The following SNAI3 variants were observed in gnomAD, a reference collection of about 807,000 sequenced individuals.
SNAI3 encodes the protein snail family transcriptional repressor 3, also known as zinc finger protein SNAI3.
SNAI3 carries 21 observed loss-of-function variants against 16.4 expected under a neutral mutation model. The ratio of observed to expected loss-of-function variants is 1.28; its 90% CI spans 0.91 to 1.85. The LOEUF (loss-of-function observed/expected upper bound fraction) is 1.85. Among genes scored for constraint, SNAI3 ranks in the 40% most tolerant of loss-of-function variants. The pLI is 0.00. For synonymous variants in SNAI3, 202 were observed against 166.6 expected (o/e 1.21, Z -1.64); for missense variants, 457 against 372.8 (o/e 1.23, Z -1.86).
At chr16:88,683,370 C>T (rs1189872498) in intron 1 of SNAI3, among the ~76,000 whole-genome samples, 2 of 151,946 alleles carry the variant, frequency 1.3e-5, no homozygotes, top group Non-Finnish European at 2.9e-5. Flanking sequence ...ATTCTCCTGC[C>T]TCAGCCTCCC....
At chr16:88,682,264 C>T (rs1179224599) in intron 1 of SNAI3, among the ~76,000 whole-genome samples, 1 of 152,260 alleles carries the variant, frequency 6.6e-6, no homozygotes, top group African/African-American at 2.4e-5. Flanking sequence ...GATAACGAGG[C>T]AGTGAGCTCA....
Position 88,681,286 on chromosome 16 carries a change from TG to T in SNAI3, c.504del (p.Arg169GlyfsTer264). On this transcript the variant is annotated frameshift_variant, in exon 2 of 3. Coordinates refer to ENST00000332281, the MANE Select transcript of SNAI3 (RefSeq NM_178310.4). LOFTEE classifies it high-confidence loss of function. The surrounding 1 kb of genome is among the most constrained non-coding windows in gnomAD (Gnocchi z 5.4). ...HKPYHTLAGL[A>X]RHRQLHCHLQ... ...AGGTGGCAGTGCAGCTGCCGGTGCC[TG>T]GCCAGCCCGGCCAGCGTGTGGTAGG... 1 of 1,613,282 alleles carries T rather than the reference TG, an allele frequency of 6.2e-7. No individual in the cohort carries two copies. The highest frequency in any genetic ancestry group is 1.1e-5 in the South Asian group (1 of 91,074).
intron 1 of SNAI3, among the ~76,000 whole-genome samples, chr16:88,683,840 G>A (rs1909264838): frequency 6.6e-6 from 1 of 152,224 alleles, no homozygotes; most frequent in African/African-American, 2.4e-5. Context: ...ACAAGTGTGA[G>A]CCACTGCGCC....
At chr16:88,679,732 G>C (rs1247189988) in intron 2 of SNAI3, among the ~76,000 whole-genome samples, 3 of 124,910 alleles carry the variant, frequency 2.4e-5, no homozygotes, top group African/African-American at 9.5e-5. Flanking sequence ...ACTATGGTCC[G>C]GCCTGGGCAA....
Position 88,681,599 on chromosome 16 carries a change from G to T in SNAI3, c.192C>A (p.Ala64=). ...GGAGGGGCAGGGAGATGCAGGCGAC[G>T]GCCGAGGAGCGGTCCCAGGGCTGGG... The part of the protein sequence containing the change: ...DLPQPWDRSS[A]VACISLPLLP... Residue 64 remains alanine (A), a synonymous_variant, in exon 2 of 3, where the codon GCC becomes GCA. Coordinates refer to ENST00000332281, the MANE Select transcript of SNAI3 (RefSeq NM_178310.4). This position sits in a 1 kb window ranked among gnomAD's most constrained non-coding sequence, Gnocchi z 5.4. 6.7e-7 allele frequency: 1 copy of T among 1,501,788 alleles called. No individual in the cohort carries two copies. The highest frequency in any genetic ancestry group is 8.9e-7 in the Non-Finnish European group (1 of 1,123,768). 93.0% of individuals were successfully genotyped at this position (1,501,788 alleles called of 1,614,324 possible).
intron 1 of SNAI3, among the ~76,000 whole-genome samples, chr16:88,682,945 T>G (rs767848116): frequency 4.6e-5 from 7 of 151,204 alleles, no homozygotes; most frequent in Non-Finnish European, 1.0e-4. Context: ...CGGCTAATTT[T>G]TTTGTATTTT....
Position 88,686,437 on chromosome 16 carries a change from G to C in SNAI3, c.-31C>G. On this transcript the variant is annotated 5_prime_UTR_variant, in exon 1 of 3. Coordinates refer to ENST00000332281, the MANE Select transcript of SNAI3 (RefSeq NM_178310.4). ...CCTCCCGGGCGGCAGGCCGGGGTGG[G>C]CTGGGGCGGGAGGGGCGCGCCTGGG... The C allele has an allele frequency of 6.2e-7, 1 of 1,602,722 alleles. No individual in the cohort carries two copies. The highest frequency in any genetic ancestry group is 1.3e-5 in the African/African-American group (1 of 74,852).
Position 88,686,369 on chromosome 16 carries a change from T to C in SNAI3, c.38A>G (p.His13Arg), listed in dbSNP as rs772850305. 6.8e-6 allele frequency: 11 copies of C among 1,611,552 alleles called. No homozygotes were observed. The highest frequency in any genetic ancestry group is 9.3e-6 in the Non-Finnish European group (11 of 1,179,412). Residue 13 changes from histidine (H) to arginine (R), a missense_variant, in exon 1 of 3, where the codon CAC becomes CGC. Physicochemically the swap from His to Arg is conservative, Grantham distance 29. Transcript: ENST00000332281. ...CAGCCGCCGGTAGTTGGGGACCCTG[T>C]GGCTGGAGTGCGTTTTCACCAGGAA... ...RSFLVKTHSSHRVPNYRRLET... is the reference protein window; with the variant it reads ...RSFLVKTHSSRRVPNYRRLET...
rs552553600 is a variant in SNAI3, at chr16:88,681,152, G to A, written c.639C>T (p.Ile213=). The A allele has an allele frequency of 9.3e-6, 15 of 1,613,782 alleles. No homozygotes were observed. In the South Asian group the frequency reaches 1.3e-4, roughly 14 times the overall value. Residue 213 remains isoleucine (I), a synonymous_variant, in exon 2 of 3, where the codon ATC becomes ATT. Coordinates refer to ENST00000332281, the MANE Select transcript of SNAI3 (RefSeq NM_178310.4). The surrounding 1 kb of genome is among the most constrained non-coding windows in gnomAD (Gnocchi z 5.4). ...RTHTLPCTCK[I]CGKAFSRPWL... ...AGGGCCTGGAGAAGGCCTTGCCACA[G>A]ATCTTGCAGGTGCAGGGCAGCGTGT...
At chr16:88,683,009 C>T (rs1187511554) in intron 1 of SNAI3, among the ~76,000 whole-genome samples, 1 of 151,392 alleles carries the variant, frequency 6.6e-6, no homozygotes, top group Non-Finnish European at 1.5e-5. Flanking sequence ...GATCTCCTGA[C>T]CTCGTGATCC....
chr16:88,686,210 G>A (rs922880388), intron 1 of SNAI3, 121 bp downstream of exon 1: 6 of 1,275,854 alleles, frequency 4.7e-6, no homozygotes, highest in Non-Finnish European at 6.3e-6. Flanking sequence ...AGAGGCGCTG[G>A]CTCCTTCTCC....
At position 88,680,275 on chromosome 16, in the gene SNAI3, A is replaced by ATTTTTTT. The variant is rs560411217; in HGVS notation, c.697+812_697+818dup. Among the ~76,000 whole-genome samples the ATTTTTTT allele has an allele frequency of 6.5e-4, 36 of 55,104 alleles. 7 individuals carry two copies. The highest frequency in any genetic ancestry group is 1.1e-3 in the Admixed American group (4 of 3,700). The allele number at this position is 55,104 out of a possible 152,430, so 36.2% of individuals were successfully genotyped here. On this transcript the variant is annotated intron_variant, in intron 2 of 2. Coordinates refer to ENST00000332281, the MANE Select transcript of SNAI3 (RefSeq NM_178310.4). The stretch of plus-strand genomic sequence containing the variant: ...GTACTTTAATGGCATTATGTTTTTG[A>ATTTTTTT]TTTTTTTTTTTTTTTTTTTTTTTTT...
chr16:88,684,142 G>T (rs1233247730), intron 1 of SNAI3, among the ~76,000 whole-genome samples: 1 of 152,250 alleles, frequency 6.6e-6, no homozygotes, highest in African/African-American at 2.4e-5. Flanking sequence ...ACCCAGAAGT[G>T]ACGGCAATGA....
chr16:88,684,209 A>G (rs1161031406), intron 1 of SNAI3, among the ~76,000 whole-genome samples: 2 of 152,198 alleles, frequency 1.3e-5, no homozygotes, highest in African/African-American at 4.8e-5. Context: ...GGGGAGCCCC[A>G]GGTTTCCCGG....
chr16:88,678,270 C>T lies in SNAI3; in HGVS notation c.*178G>A, dbSNP rs374134478. The T allele has an allele frequency of 7.1e-6, 4 of 564,370 alleles. No individual in the cohort carries two copies. Among genetic ancestry groups the T allele is most frequent in the Non-Finnish European group, 1.2e-5 (4 of 321,794 alleles). The allele number at this position is 564,370 out of a possible 1,614,324, so 35.0% of individuals were successfully genotyped here. ...GCGGTGGGATGCCTGGGGGAGTGTC[C>T]TCCGGCCCAGTGGCCCCCGCTGGAC... is the stretch of plus-strand genomic sequence containing the variant. On this transcript the variant is annotated 3_prime_UTR_variant, in exon 3 of 3. Transcript: ENST00000332281.
Position 88,681,845 on chromosome 16 carries a change from T to A in SNAI3, c.77-131A>T. 1 of 1,072,298 alleles carries A rather than the reference T, an allele frequency of 9.3e-7. No homozygotes were observed. 66.4% of individuals were successfully genotyped at this position (1,072,298 alleles called of 1,614,324 possible). A position where few individuals can be genotyped will look rare whatever the true frequency, so the allele number is the denominator to read the frequency against. On this transcript the variant is annotated intron_variant, in intron 1 of 2. Coordinates refer to ENST00000332281, the MANE Select transcript of SNAI3 (RefSeq NM_178310.4). The surrounding 1 kb of genome is among the most constrained non-coding windows in gnomAD (Gnocchi z 5.4). Reference sequence around the variant, plus strand: ...GGCGTGGGAGGTGTAGCCGGGAACCTGCATGCAGACCCAGCTTGCAAGGGA... The same window carrying A: ...GGCGTGGGAGGTGTAGCCGGGAACCAGCATGCAGACCCAGCTTGCAAGGGA...
At chr16:88,678,744 G>T (rs1909063016) in intron 2 of SNAI3, 115 bp from the exon 3 acceptor site, 1 of 1,459,784 alleles carries the variant, frequency 6.9e-7, no homozygotes, top group Non-Finnish European at 9.0e-7. Context: ...CTCACAGCCA[G>T]AGCACCCAAG....
chr16:88,684,553 G>A (rs1909291731), intron 1 of SNAI3, among the ~76,000 whole-genome samples: 1 of 152,076 alleles, frequency 6.6e-6, no homozygotes, highest in South Asian at 2.1e-4. Context: ...TGGAGTGCAG[G>A]GGCGCGATCG....
At chr16:88,683,616 G>A (rs1909258721) in intron 1 of SNAI3, among the ~76,000 whole-genome samples, 1 of 137,470 alleles carries the variant, frequency 7.3e-6, no homozygotes, top group Non-Finnish European at 1.5e-5. Flanking sequence ...GGAGTGCAAT[G>A]GCGTGATCTC....
Sources: gnomAD v4.1 joint callset for allele counts (sites outside exome capture counted in the v4.1 genomes callset) on GRCh38, gnomAD v4.1.1 for gene constraint, Gnocchi (gnomAD v3.1) non-coding constraint, MANE v1.5 for transcripts, NCBI Gene and HGNC (gene_info 2026-07-23, HGNC 2026-07-21) for gene names.